The following CD300A variants were observed in gnomAD, a reference collection of about 807,000 sequenced individuals.
The protein encoded by CD300A is CMRF35-like molecule 8.
Under a neutral mutation model 33.6 loss-of-function variants are expected in CD300A, and 22 were observed. The ratio of observed to expected loss-of-function variants is 0.66; its 90% CI spans 0.47 to 0.94. CD300A has a LOEUF of 0.94. Ranked by LOEUF, CD300A falls within the 40% of genes least tolerant of loss-of-function variation. The pLI is 0.00. For synonymous variants in CD300A, 136 were observed against 148.1 expected, an observed-to-expected ratio of 0.92 and a Z score of 0.59; for missense variants, 326 against 360.5, an observed-to-expected ratio of 0.90 and a Z score of 0.77.
Position 74,484,262 on chromosome 17 carries a change from G to A in CD300A, c.*136G>A. On this transcript the variant is annotated 3_prime_UTR_variant, in exon 7 of 7. Coordinates refer to ENST00000360141, the MANE Select transcript of CD300A (RefSeq NM_007261.4). Reference sequence around the variant, plus strand: ...AACAGACAGGCAGCTGGGTTTCCCAGGCCATCCCTCTGTTGCCATCAGCTT... The same window carrying A: ...AACAGACAGGCAGCTGGGTTTCCCAAGCCATCCCTCTGTTGCCATCAGCTT... The A allele has an allele frequency of 1.1e-6, 1 of 948,642 alleles. No individual in the cohort carries two copies. Among genetic ancestry groups the A allele is most frequent in the Non-Finnish European group, 1.6e-6 (1 of 642,976 alleles). 58.8% of individuals were successfully genotyped at this position (948,642 alleles called of 1,614,324 possible).
intron 3 of CD300A, among the ~76,000 whole-genome samples, chr17:74,476,467 A>C (rs762057974): frequency 2.0e-5 from 3 of 152,154 alleles, no homozygotes; most frequent in Non-Finnish European, 4.4e-5. Context: ...CATAGGTGGC[A>C]GCGCTGAGTT....
chr17:74,480,379 G>A lies in CD300A; in HGVS notation c.629-910G>A, dbSNP rs906110023. Among the ~76,000 whole-genome samples, 20 of 152,330 alleles carry A rather than the reference G, an allele frequency of 1.3e-4. No homozygotes were observed. The highest frequency in any genetic ancestry group is 4.8e-4 in the African/African-American group (20 of 41,582). ...AGCGTGTGTGTCACCCGCTGCCCAC[G>A]TGGTCCGGGCTCCTGGGGTGAAAGG... On this transcript the variant is annotated intron_variant, in intron 4 of 6. Coordinates refer to ENST00000360141, the MANE Select transcript of CD300A (RefSeq NM_007261.4). The surrounding 1 kb of genome is among the most constrained non-coding windows in gnomAD (Gnocchi z 4.2).
At chr17:74,466,766 A>G (rs1469597633) in intron 1 of CD300A, 23 bp downstream of exon 1, 12 of 1,578,488 alleles carry the variant, frequency 7.6e-6, no homozygotes, top group Non-Finnish European at 1.0e-5. Flanking sequence ...CTTCCCGGGA[A>G]AGTCTGCGGC....
intron 6 of CD300A, among the ~76,000 whole-genome samples, chr17:74,482,847 A>T (rs1907000069): frequency 6.6e-6 from 1 of 151,108 alleles, no homozygotes; most frequent in African/African-American, 2.5e-5. Context: ...AGTAGCTGGG[A>T]CTACAGACAC....
At chr17:74,475,045 A>G (rs545561978) in intron 3 of CD300A, among the ~76,000 whole-genome samples, 2 of 152,226 alleles carry the variant, frequency 1.3e-5, no homozygotes, top group South Asian at 2.1e-4. Flanking sequence ...TGATAAAGAC[A>G]TACCCGAGAC....
rs1462687656 is a variant in CD300A, at chr17:74,484,325, C to T, written c.*199C>T. The T allele has an allele frequency of 1.8e-5, 9 of 506,358 alleles. No homozygotes were observed. The highest frequency in any genetic ancestry group is 9.7e-5 in the South Asian group (4 of 41,146). 31.4% of individuals were successfully genotyped at this position (506,358 alleles called of 1,614,324 possible). On this transcript the variant is annotated 3_prime_UTR_variant, in exon 7 of 7. Coordinates refer to ENST00000360141, the MANE Select transcript of CD300A (RefSeq NM_007261.4). ...CGAGGGCCAGCAGGGCTGGGGGCTCCGGAGAGCAGCAGGAAGCACTCCCAG... is the reference window on the plus strand; with the variant it reads ...CGAGGGCCAGCAGGGCTGGGGGCTCTGGAGAGCAGCAGGAAGCACTCCCAG...
chr17:74,468,476 G>A (rs1201692051), intron 1 of CD300A, among the ~76,000 whole-genome samples: 1 of 151,768 alleles, frequency 6.6e-6, no homozygotes, highest in Non-Finnish European at 1.5e-5. Context: ...GAGACTACAG[G>A]TGTGTGCCAC....
chr17:74,473,347 G>A (rs1598450074), intron 1 of CD300A, among the ~76,000 whole-genome samples, 189 bp from the exon 2 acceptor site: 1 of 152,102 alleles, frequency 6.6e-6, no homozygotes, highest in Non-Finnish European at 1.5e-5. Flanking sequence ...TCCATGGAAA[G>A]CCTCTGCCCC....
rs1375116141 is a variant in CD300A at position 74,481,281 on chromosome 17, G to T, written c.629-8G>T. 1.2e-6 allele frequency: 2 copies of T among 1,613,794 alleles called. No individual in the cohort carries two copies. The highest frequency in any genetic ancestry group is 1.1e-5 in the South Asian group (1 of 91,072). On this transcript the variant is annotated splice_region_variant and splice_polypyrimidine_tract_variant and intron_variant, in intron 4 of 6. Transcript: ENST00000360141. ...GATTCAACCTCCTTCCTCTCCTCTT[G>T]TCTCTAGCTGGTGACCATTCAGAGC... is the stretch of plus-strand genomic sequence containing the variant.
intron 1 of CD300A, chr17:74,467,056 G>A (rs1905759589): frequency 1.6e-6 from 2 of 1,215,406 alleles, no homozygotes; most frequent in African/African-American, 3.1e-5. Context: ...GGGGACGAGA[G>A]GCAGGATGTG....
chr17:74,466,501 C>T (rs1293645929), upstream of CD300A: 3 of 615,490 alleles, frequency 4.9e-6, no homozygotes, highest in Middle Eastern at 2.6e-4. Context: ...GAGGACGTGC[C>T]GTTTCTAGGG....
In CD300A at chr17:74,480,465, A is replaced by G. The variant is rs1906762163; in HGVS notation, c.629-824A>G. ...CCTTATAGAGCAGGTGCCAGCAGCC[A>G]AGGGCTGTGTGAGCCTGAGCTGGCG... On this transcript the variant is annotated intron_variant, in intron 4 of 6. Transcript: ENST00000360141. The surrounding 1 kb of genome is among the most constrained non-coding windows in gnomAD (Gnocchi z 4.2). Among the ~76,000 whole-genome samples, 1 of 152,158 alleles carries G rather than the reference A, an allele frequency of 6.6e-6. No individual in the cohort carries two copies. Among genetic ancestry groups the G allele is most frequent in the South Asian group, 2.1e-4 (1 of 4,836 alleles).
chr17:74,467,076 G>A (rs12939435), intron 1 of CD300A: 471,621 of 1,061,842 alleles, frequency 0.44, 112,463 homozygotes, highest in African/African-American at 0.86. Flanking sequence ...GTCAGGGTGG[G>A]TGGAGAGTGG....
In CD300A at chr17:74,475,570, T is replaced by C. The variant is rs148275128; in HGVS notation, c.533+885T>C. ...AACCCCACATAGAATCTGACATCTA[T>C]GGACACTCTCCCCAGAAAAACACAT... On this transcript the variant is annotated intron_variant, in intron 3 of 6. Transcript: ENST00000360141. 6.4e-4 allele frequency among the ~76,000 whole-genome samples: 98 copies of C among 152,336 alleles called. 1 individual carries two copies. The highest frequency in any genetic ancestry group is 2.3e-3 in the African/African-American group (95 of 41,582).
Position 74,484,209 on chromosome 17 carries a change from T to C in CD300A, c.*83T>C, listed in dbSNP as rs1380712894. ...CTCCCTTATACCTGGCCCACGTCCT[T>C]CTCAGCCTGCCCTCGACAACAGTGA... On this transcript the variant is annotated 3_prime_UTR_variant, in exon 7 of 7. Transcript: ENST00000360141. 3 of 1,471,382 alleles carry C rather than the reference T, an allele frequency of 2.0e-6. No individual in the cohort carries two copies. The highest frequency in any genetic ancestry group is 2.8e-6 in the Non-Finnish European group (3 of 1,072,346). The allele number at this position is 1,471,382 out of a possible 1,614,324, so 91.1% of individuals were successfully genotyped here.
chr17:74,473,899 C>A lies in CD300A; in HGVS notation c.379+25C>A, dbSNP rs372338934. The stretch of plus-strand genomic sequence containing the variant: ...GGTGAGCCCCTCCTTCCCTCAGCGC[C>A]TAAATAGGCTCAGGTTGGAATTGTT... On this transcript the variant is annotated intron_variant, in intron 2 of 6. Coordinates refer to ENST00000360141, the MANE Select transcript of CD300A (RefSeq NM_007261.4). 3.9e-5 allele frequency: 62 copies of A among 1,599,580 alleles called. 1 individual carries two copies. In the African/African-American group the frequency reaches 7.2e-4, roughly 19 times the overall value.
chr17:74,480,632 T>C lies in CD300A; in HGVS notation c.629-657T>C, dbSNP rs1009869889. 2.6e-5 allele frequency among the ~76,000 whole-genome samples: 4 copies of C among 152,216 alleles called. No individual in the cohort carries two copies. Among genetic ancestry groups the C allele is most frequent in the East Asian group, 1.9e-4 (1 of 5,198 alleles). ...GTCTGATGCAGCCCTAAGCCCCAGA[T>C]GCACAGGGCTTTTCAGTGGCATCCT... On this transcript the variant is annotated intron_variant, in intron 4 of 6. Transcript: ENST00000360141. The surrounding 1 kb of genome is among the most constrained non-coding windows in gnomAD (Gnocchi z 4.2).
rs138808125 is a variant in CD300A at position 74,475,863 on chromosome 17, C to T, written c.533+1178C>T. On this transcript the variant is annotated intron_variant, in intron 3 of 6. Transcript: ENST00000360141. ...TCAATAATTTGTTAGACTCAGAACT[C>T]TGGAAAGCATTATACTTACAATTAC... Among the ~76,000 whole-genome samples, 1,056 of 152,324 alleles carry T rather than the reference C, an allele frequency of 6.9e-3. 5 individuals carry two copies. Among genetic ancestry groups the T allele is most frequent in the Non-Finnish European group, 0.012 (793 of 68,038 alleles).
intron 6 of CD300A, among the ~76,000 whole-genome samples, chr17:74,483,442 C>T (rs1029605758): frequency 3.3e-5 from 5 of 151,548 alleles, no homozygotes; most frequent in South Asian, 2.1e-4. Flanking sequence ...TTGCAACCTC[C>T]GCCTCCCCGG....
Sources: gnomAD v4.1 joint callset for allele counts (sites outside exome capture counted in the v4.1 genomes callset) on GRCh38, gnomAD v4.1.1 for gene constraint, Gnocchi (gnomAD v3.1) non-coding constraint, MANE v1.5 for transcripts, NCBI Gene and HGNC (gene_info 2026-07-23, HGNC 2026-07-21) for gene names.